ARID1B: variants seen among roughly 807,000 people sequenced by gnomAD.
ARID1B encodes the protein AT-rich interaction domain 1B.
A neutral mutation model predicts 212.3 loss-of-function variants in ARID1B; 30 were observed. The observed-to-expected ratio is 0.14, with a 90% CI of 0.11 to 0.19. The LOEUF is 0.19. Ranked by LOEUF, ARID1B falls within the 10% of genes least tolerant of loss-of-function variation. The pLI, the probability that ARID1B is intolerant of heterozygous loss-of-function variation, is 1.00. For synonymous variants in ARID1B, 1,402 were observed against 1,301.7 expected (o/e 1.08, Z -1.66); for missense variants, 2,891 against 3,204.0 (o/e 0.90, Z 2.36).
At chr6:156,896,084 G>A (rs1788361648) in intron 2 of ARID1B, among the ~76,000 whole-genome samples, 1 of 151,632 alleles carries the variant, frequency 6.6e-6, no homozygotes, top group South Asian at 2.1e-4. Context: ...ATTTAATTGT[G>A]TGCCTATAGC....
At chr6:156,926,599 T>C (rs1235308758) in intron 3 of ARID1B, among the ~76,000 whole-genome samples, 1 of 152,188 alleles carries the variant, frequency 6.6e-6, no homozygotes, top group Admixed American at 6.5e-5. Flanking sequence ...CTGGCACACG[T>C]CACTCCACCT....
intron 3 of ARID1B, among the ~76,000 whole-genome samples, chr6:156,924,463 G>A (rs949566132): frequency 2.0e-5 from 3 of 152,202 alleles, no homozygotes; most frequent in South Asian, 2.1e-4. Context: ...TAAAATTAGC[G>A]TGATTTGAAC....
intron 3 of ARID1B, among the ~76,000 whole-genome samples, chr6:156,902,802 A>G (rs373558770): frequency 2.6e-5 from 4 of 151,470 alleles, no homozygotes; most frequent in African/African-American, 9.7e-5. Context: ...AATGTACATC[A>G]TTTCATAGTT....
rs147813566 is a variant in ARID1B at position 157,171,895 on chromosome 6, C to A, written c.3236-2113C>A. Reference sequence around the variant, plus strand: ...TTTGTGTACGCTAGCACATTTAATGCGTAAAATAGAATCTTACTATTCCTG... The same window carrying A: ...TTTGTGTACGCTAGCACATTTAATGAGTAAAATAGAATCTTACTATTCCTG... On this transcript the variant is annotated intron_variant, in intron 9 of 19. Coordinates refer to ENST00000636930, the MANE Select transcript of ARID1B (RefSeq NM_001374828.1). 4.2e-3 allele frequency among the ~76,000 whole-genome samples: 640 copies of A among 152,286 alleles called. 4 individuals carry two copies. The highest frequency in any genetic ancestry group is 6.7e-3 in the Non-Finnish European group (458 of 68,030).
At chr6:157,126,249 G>A (rs1406070970) in intron 6 of ARID1B, among the ~76,000 whole-genome samples, 3 of 152,132 alleles carry the variant, frequency 2.0e-5, no homozygotes, top group Non-Finnish European at 4.4e-5. Context: ...TTGACTCTCA[G>A]GGTGAATGAT....
chr6:156,842,908 G>T (rs1783995176), intron 2 of ARID1B, among the ~76,000 whole-genome samples: 1 of 151,018 alleles, frequency 6.6e-6, no homozygotes, highest in Non-Finnish European at 1.5e-5. Flanking sequence ...CAAACTCTAA[G>T]TAGAGAATTC....
chr6:157,161,324 C>T (rs1191152548), intron 8 of ARID1B, among the ~76,000 whole-genome samples: 3 of 152,112 alleles, frequency 2.0e-5, no homozygotes, highest in Admixed American at 1.3e-4. Context: ...ATTATTTTGC[C>T]ACCAGAATTG....
intron 13 of ARID1B, 98 bp downstream of exon 13, chr6:157,184,533 T>A (rs1360136808): frequency 1.4e-6 from 2 of 1,407,522 alleles, no homozygotes; most frequent in Non-Finnish European, 2.0e-6. Flanking sequence ...AACAGGGAAC[T>A]TGGGACTTTT....
At chr6:157,095,897 T>C (rs1425303974) in intron 5 of ARID1B, among the ~76,000 whole-genome samples, 1 of 152,122 alleles carries the variant, frequency 6.6e-6, no homozygotes, top group Non-Finnish European at 1.5e-5. Context: ...TCAGTGGATA[T>C]ATTTTTGCTG....
intron 4 of ARID1B, among the ~76,000 whole-genome samples, chr6:156,988,169 T>C (rs1778053019): frequency 6.6e-6 from 1 of 152,216 alleles, no homozygotes; most frequent in Non-Finnish European, 1.5e-5. Context: ...GGAGACGCAC[T>C]TAGTAGTTAC....
chr6:157,037,869 G>T (rs1781431439), intron 4 of ARID1B, among the ~76,000 whole-genome samples: 1 of 152,188 alleles, frequency 6.6e-6, no homozygotes, highest in African/African-American at 2.4e-5. Flanking sequence ...TCTGGTGCCT[G>T]CTGGGGTATG....
Position 156,914,027 on chromosome 6 carries a change from A to T in ARID1B, c.2136+12502A>T, listed in dbSNP as rs113284364. Among the ~76,000 whole-genome samples the T allele has an allele frequency of 1.0e-3, 79 of 78,872 alleles. 1 individual carries two copies. Among genetic ancestry groups the T allele is most frequent in the African/African-American group, 3.8e-3 (70 of 18,450 alleles). The allele number at this position is 78,872 out of a possible 152,430, so 51.7% of individuals were successfully genotyped here. A position where few individuals can be genotyped will look rare whatever the true frequency, so the allele number is the denominator to read the frequency against. Reference sequence around the variant, plus strand: ...GCCCTTCCCAGCCCGTGGTGCCCCCATTCCACTCTCTACTCCCGAACTGCC... The same window carrying T: ...GCCCTTCCCAGCCCGTGGTGCCCCCTTTCCACTCTCTACTCCCGAACTGCC... On this transcript the variant is annotated intron_variant, in intron 3 of 19. Transcript: ENST00000636930.
At chr6:156,934,815 A>T (rs1455266569) in intron 3 of ARID1B, among the ~76,000 whole-genome samples, 1 of 150,398 alleles carries the variant, frequency 6.6e-6, no homozygotes, top group East Asian at 1.9e-4. Flanking sequence ...TGGTTTGGCT[A>T]CAGCTGACCT....
At position 156,904,870 on chromosome 6, in the gene ARID1B, G is replaced by A. The variant is rs546228289; in HGVS notation, c.2136+3345G>A. Among the ~76,000 whole-genome samples, 21 of 152,278 alleles carry A rather than the reference G, an allele frequency of 1.4e-4. No individual in the cohort carries two copies. The South Asian group carries it at 1.7e-3, about 12-fold the overall frequency. On this transcript the variant is annotated intron_variant, in intron 3 of 19. Coordinates refer to ENST00000636930, the MANE Select transcript of ARID1B (RefSeq NM_001374828.1). ...CCTTCAGGCCATATATGTAAGGCAC[G>A]TTTGAAACATAATGAATTTCATGTT...
At chr6:156,912,183 GTC>G (rs1789945082) in intron 3 of ARID1B, among the ~76,000 whole-genome samples, 1 of 151,500 alleles carries the variant, frequency 6.6e-6, no homozygotes, top group African/African-American at 2.4e-5. Flanking sequence ...TGCTCTCAAT[GTC>G]TCTATTGATC....
intron 3 of ARID1B, among the ~76,000 whole-genome samples, chr6:156,930,317 C>G (rs1791595278): frequency 6.6e-6 from 1 of 152,158 alleles, no homozygotes; most frequent in Non-Finnish European, 1.5e-5. Context: ...CCTCCCTGCT[C>G]TCTCCCTTGC....
chr6:156,777,879 G>A lies in ARID1B; in HGVS notation c.199G>A (p.Gly67Ser), dbSNP rs566121493. ...GGGGGGCGGCGGCGACGGCGGCGGCGGCCTGAACAGTGTGCACCACCACCC... is the reference window on the plus strand; with the variant it reads ...GGGGGGCGGCGGCGACGGCGGCGGCAGCCTGAACAGTGTGCACCACCACCC... ...MLGGGGDGGG[G>S]LNSVHHHPLL... Residue 67 changes from glycine to serine, a missense_variant, in exon 1 of 20, where the codon GGC becomes AGC. Gly to Ser is a moderately conservative substitution (Grantham distance 56). Coordinates refer to ENST00000636930, the MANE Select transcript of ARID1B (RefSeq NM_001374828.1). 5,667 of 1,431,612 alleles carry A rather than the reference G, an allele frequency of 4.0e-3. 212 individuals carry two copies. In the African/African-American group the frequency reaches 0.075, roughly 19 times the overall value. The allele number at this position is 1,431,612 out of a possible 1,614,324, so 88.7% of individuals were successfully genotyped here.
intron 2 of ARID1B, among the ~76,000 whole-genome samples, chr6:156,868,110 G>A (rs879075600): frequency 1.3e-5 from 2 of 152,172 alleles, no homozygotes; most frequent in Admixed American, 6.5e-5. Context: ...CCTCAGTACC[G>A]AGCTGTGCAC....
intron 2 of ARID1B, among the ~76,000 whole-genome samples, chr6:156,853,338 T>A (rs1391510844): frequency 2.0e-5 from 3 of 152,214 alleles, no homozygotes; most frequent in Non-Finnish European, 4.4e-5. Context: ...AGAGTTGTCC[T>A]GAGGATGAGT....
Sources: gnomAD v4.1 joint callset for allele counts (sites outside exome capture counted in the v4.1 genomes callset) on GRCh38, gnomAD v4.1.1 for gene constraint, MANE v1.5 for transcripts, NCBI Gene and HGNC (gene_info 2026-07-23, HGNC 2026-07-21) for gene names.